The following PCDH15 variants were observed in gnomAD, a reference collection of about 807,000 sequenced individuals.
PCDH15 encodes protocadherin-15.
Under a neutral mutation model 178.5 loss-of-function variants are expected in PCDH15, and 129 were observed. The ratio of observed to expected loss-of-function variants is 0.72; its 90% CI spans 0.63 to 0.84. The LOEUF (loss-of-function observed/expected upper bound fraction) is 0.84, where lower values mean the gene tolerates loss of function less well. PCDH15 is among the 40% of genes least tolerant of loss of function. The pLI, the probability that PCDH15 is intolerant of heterozygous loss-of-function variation, is 0.00. For synonymous variants in PCDH15, 800 were observed against 732.0 expected (o/e 1.09, Z -1.50); for missense variants, 2,230 against 2,099.9 (o/e 1.06, Z -1.21).
At chr10:54,798,873 C>T (rs994213917) in intron 1 of PCDH15, among the ~76,000 whole-genome samples, 1 of 151,972 alleles carries the variant, frequency 6.6e-6, no homozygotes, top group African/African-American at 2.4e-5. Context: ...TGTTTTACAC[C>T]ATTTAAGTAG....
intron 2 of PCDH15, among the ~76,000 whole-genome samples, chr10:55,348,428 C>T (rs987171129): frequency 2.2e-4 from 34 of 151,518 alleles, no homozygotes; most frequent in African/African-American, 7.1e-4. Flanking sequence ...ACAATAATAA[C>T]GAGGCCCTAA....
intron 2 of PCDH15, among the ~76,000 whole-genome samples, chr10:55,343,177 C>A (rs1844649147): frequency 6.6e-6 from 1 of 152,060 alleles, no homozygotes; most frequent in South Asian, 2.1e-4. Context: ...TTATAGCCAG[C>A]TTGAAAGGAG....
intron 27 of PCDH15, among the ~76,000 whole-genome samples, chr10:53,857,678 A>T (rs2078846080): frequency 6.6e-6 from 1 of 152,122 alleles, no homozygotes; most frequent in African/African-American, 2.4e-5. Context: ...AATCTGAGAT[A>T]TGACTGGTTA....
chr10:54,096,593 T>A (rs1009011637), intron 15 of PCDH15, among the ~76,000 whole-genome samples: 1 of 152,152 alleles, frequency 6.6e-6, no homozygotes, highest in African/African-American at 2.4e-5. Flanking sequence ...CACTAGCAGA[T>A]CCCATGCACC....
chr10:54,808,120 C>G (rs936317802), intron 3 of PCDH15, among the ~76,000 whole-genome samples: 6 of 152,084 alleles, frequency 3.9e-5, no homozygotes, highest in African/African-American at 1.4e-4. Flanking sequence ...TCACTGATGT[C>G]TGCTGTAACC....
Position 54,501,450 on chromosome 10 carries a change from ACAC to A in PCDH15, c.157+26359_157+26361del, listed in dbSNP as rs558108288. On this transcript the variant is annotated intron_variant, in intron 3 of 37. Transcript: ENST00000644397. ...TGTTAATTCACAACTTGTAAAATAAACACCACATTATTCCATCTAAAGTGATAA... is the reference window on the plus strand; with the variant it reads ...TGTTAATTCACAACTTGTAAAATAAACACATTATTCCATCTAAAGTGATAA... Among the ~76,000 whole-genome samples the A allele has an allele frequency of 1.1e-3, 170 of 152,288 alleles. 2 individuals carry two copies. In the East Asian group the frequency reaches 0.016, roughly 14 times the overall value.
intron 1 of PCDH15, among the ~76,000 whole-genome samples, chr10:54,709,215 T>A (rs1322949016): frequency 1.3e-5 from 2 of 152,078 alleles, no homozygotes; most frequent in Non-Finnish European, 2.9e-5. Context: ...TCTTTGCAAA[T>A]GCATTCTTTT....
chr10:55,472,932 C>A (rs1393042212), intron 2 of PCDH15, among the ~76,000 whole-genome samples: 2 of 152,104 alleles, frequency 1.3e-5, no homozygotes, highest in African/African-American at 4.8e-5. Context: ...ATAAAATTAT[C>A]TTGAAAAATA....
chr10:55,575,738 T>A (rs1842484016), intron 2 of PCDH15: 1 of 152,204 alleles, frequency 6.6e-6, no homozygotes, highest in Non-Finnish European at 1.5e-5. Flanking sequence ...CACATTGCAC[T>A]TTAATACTGT....
chr10:53,972,634 T>G (rs1181265013), intron 21 of PCDH15, among the ~76,000 whole-genome samples: 1 of 152,118 alleles, frequency 6.6e-6, no homozygotes, highest in Non-Finnish European at 1.5e-5. Flanking sequence ...GCAAAGCATA[T>G]GAACAGACAC....
At chr10:54,988,512 T>A (rs1839425267) in intron 2 of PCDH15, among the ~76,000 whole-genome samples, 2 of 152,084 alleles carry the variant, frequency 1.3e-5, no homozygotes, top group Non-Finnish European at 2.9e-5. Context: ...CAGGCTGAGG[T>A]GGTCTCAGAT....
chr10:54,074,059 C>T (rs559335830), intron 17 of PCDH15, among the ~76,000 whole-genome samples: 13 of 152,202 alleles, frequency 8.5e-5, no homozygotes, highest in South Asian at 8.3e-4. Context: ...AGAGAATTGA[C>T]GTCTAGAGTT....
At chr10:55,104,220 T>C (rs1184564815) in intron 2 of PCDH15, among the ~76,000 whole-genome samples, 1 of 152,084 alleles carries the variant, frequency 6.6e-6, no homozygotes, top group Non-Finnish European at 1.5e-5. Context: ...AATAGGGCAC[T>C]TTCTTATGCA....
chr10:55,495,303 T>A (rs1044534762), intron 2 of PCDH15, among the ~76,000 whole-genome samples: 1 of 151,816 alleles, frequency 6.6e-6, no homozygotes, highest in Non-Finnish European at 1.5e-5. Context: ...CTACAAATAT[T>A]AACATTAACT....
At chr10:54,109,858 G>T (rs116060522) in intron 15 of PCDH15, among the ~76,000 whole-genome samples, 1,684 of 152,208 alleles carry the variant, frequency 0.011, 24 homozygotes, top group African/African-American at 0.038. Flanking sequence ...CAGTTTTTTT[G>T]TAACATAAAG....
intron 2 of PCDH15, among the ~76,000 whole-genome samples, chr10:55,036,932 G>A (rs1840750409): frequency 6.6e-6 from 1 of 152,128 alleles, no homozygotes. Flanking sequence ...CAGCAAGCTG[G>A]TTTTGTTTTG....
At chr10:54,140,279 A>G (rs1301974276) in intron 14 of PCDH15, among the ~76,000 whole-genome samples, 1 of 152,198 alleles carries the variant, frequency 6.6e-6, no homozygotes, top group Non-Finnish European at 1.5e-5. Context: ...TCTGCATCAC[A>G]TACCTAAAGT....
In PCDH15 at chr10:54,549,822, C is replaced by T. The variant is rs551735629; in HGVS notation, c.92-21945G>A. ...TTGTTAAATTATTTTTGTACGTCTG[C>T]GATTTTTTAATTTATATTTTAAACT... On this transcript the variant is annotated intron_variant, in intron 2 of 37. Transcript: ENST00000644397. 3.6e-4 allele frequency among the ~76,000 whole-genome samples: 54 copies of T among 151,944 alleles called. No individual in the cohort carries two copies. In the South Asian group the frequency reaches 8.5e-3, roughly 24 times the overall value.
chr10:54,491,843 C>A (rs1412206779), intron 3 of PCDH15, among the ~76,000 whole-genome samples: 1 of 152,074 alleles, frequency 6.6e-6, no homozygotes, highest in Non-Finnish European at 1.5e-5. Context: ...CCTATTTGCT[C>A]ATTACTGATT....
Sources: gnomAD v4.1 joint callset for allele counts (sites outside exome capture counted in the v4.1 genomes callset) on GRCh38, gnomAD v4.1.1 for gene constraint, MANE v1.5 for transcripts, NCBI Gene and HGNC (gene_info 2026-07-23, HGNC 2026-07-21) for gene names.